The following COX10 variants were observed in gnomAD, a reference collection of about 807,000 sequenced individuals.
COX10 encodes protoheme IX farnesyltransferase, mitochondrial.
In COX10, 27 loss-of-function variants were observed where a neutral mutation model predicts 37.3. The ratio of observed to expected loss-of-function variants is 0.72; its 90% CI spans 0.53 to 1.00. The LOEUF is 1.00. Ranked by LOEUF, COX10 falls within the 50% of genes least tolerant of loss-of-function variation. COX10 has a pLI of 0.00. For missense variants in COX10, 475 were observed against 563.2 expected (o/e 0.84, Z 1.59); for synonymous variants, 222 against 229.1 (o/e 0.97, Z 0.28).
At chr17:14,143,480 G>A (rs1203329150) in intron 4 of COX10, among the ~76,000 whole-genome samples, 2 of 152,120 alleles carry the variant, frequency 1.3e-5, no homozygotes, top group Non-Finnish European at 2.9e-5. Context: ...AAGCTGAAAT[G>A]CACTATAATT....
intron 4 of COX10, among the ~76,000 whole-genome samples, chr17:14,112,621 G>C (rs1331304187): frequency 6.6e-6 from 1 of 152,124 alleles, no homozygotes; most frequent in African/African-American, 2.4e-5. Context: ...CAGTGCCTTA[G>C]GCAAGTAAAG....
chr17:14,096,755 A>G (rs1915663361), intron 3 of COX10, among the ~76,000 whole-genome samples: 1 of 152,174 alleles, frequency 6.6e-6, no homozygotes, highest in South Asian at 2.1e-4. Flanking sequence ...GCAGAGGCAG[A>G]TAAGAGAACA....
At chr17:14,148,848 T>A (rs1056120793) in intron 4 of COX10, among the ~76,000 whole-genome samples, 1 of 151,300 alleles carries the variant, frequency 6.6e-6, no homozygotes, top group Non-Finnish European at 1.5e-5. Flanking sequence ...GTTAGGAAGA[T>A]TAATAAGTGT....
intron 5 of COX10, among the ~76,000 whole-genome samples, chr17:14,183,480 G>C (rs1225009745): frequency 6.6e-6 from 1 of 152,148 alleles, no homozygotes; most frequent in Non-Finnish European, 1.5e-5. Flanking sequence ...ATCACTCACA[G>C]AGATATTAAT....
chr17:14,190,520 C>T (rs540299162), intron 5 of COX10, among the ~76,000 whole-genome samples: 113 of 152,300 alleles, frequency 7.4e-4, no homozygotes, highest in African/African-American at 2.5e-3. Flanking sequence ...CAGCAACATA[C>T]CCCTTATATT....
At chr17:14,107,950 G>T (rs1017566740) in intron 4 of COX10, among the ~76,000 whole-genome samples, 3 of 152,148 alleles carry the variant, frequency 2.0e-5, no homozygotes, top group Admixed American at 6.6e-5. Flanking sequence ...GTTCTGCTAT[G>T]TGGAAAAACT....
chr17:14,069,659 C>T lies in COX10; in HGVS notation c.43+11C>T. 4.3e-6 allele frequency: 7 copies of T among 1,614,094 alleles called. No homozygotes were observed. Among genetic ancestry groups the T allele is most frequent in the Non-Finnish European group, 5.9e-6 (7 of 1,180,002 alleles). ...CACGCCTCCTGACAGGTACTGTACC[C>T]GCCTTGGGCACGACCTTGGGGGAAA... On this transcript the variant is annotated intron_variant, in intron 1 of 6. Transcript: ENST00000261643.
chr17:14,206,260 C>A (rs1055193443), intron 6 of COX10, among the ~76,000 whole-genome samples: 3 of 152,144 alleles, frequency 2.0e-5, no homozygotes, highest in Non-Finnish European at 4.4e-5. Context: ...ACAGAACAGG[C>A]GGAGCGGACT....
chr17:14,135,132 A>C (rs771306282), intron 4 of COX10, among the ~76,000 whole-genome samples: 4 of 151,778 alleles, frequency 2.6e-5, no homozygotes, highest in Non-Finnish European at 5.9e-5. Context: ...AGAGCTGTTC[A>C]TATTTGAATA....
At chr17:14,187,023 C>G (rs1427019746) in intron 5 of COX10, among the ~76,000 whole-genome samples, 3 of 150,816 alleles carry the variant, frequency 2.0e-5, no homozygotes, top group Non-Finnish European at 4.4e-5. Context: ...GTTTTTTAAT[C>G]TATCCTATTG....
At chr17:14,159,702 T>C (rs541261227) in intron 4 of COX10, among the ~76,000 whole-genome samples, 175 bp from the exon 5 acceptor site, 1 of 152,150 alleles carries the variant, frequency 6.6e-6, no homozygotes, top group East Asian at 1.9e-4. Context: ...GTTGTTTTGG[T>C]TTTTTGTTTG....
At chr17:14,188,227 T>A (rs900750737) in intron 5 of COX10, among the ~76,000 whole-genome samples, 2 of 146,958 alleles carry the variant, frequency 1.4e-5, no homozygotes, top group African/African-American at 5.0e-5. Flanking sequence ...AAAAAAAATC[T>A]GTTCTTATAA....
chr17:14,070,359 A>G (rs1181361586), intron 1 of COX10, among the ~76,000 whole-genome samples: 3 of 152,172 alleles, frequency 2.0e-5, no homozygotes, highest in African/African-American at 7.2e-5. Flanking sequence ...AGCACAGTCT[A>G]TACTTGTTTA....
chr17:14,142,070 C>A (rs1190312102), intron 4 of COX10, among the ~76,000 whole-genome samples: 3 of 152,182 alleles, frequency 2.0e-5, no homozygotes, highest in Non-Finnish European at 4.4e-5. Flanking sequence ...TCAAGCCCAC[C>A]TGCACTGTTG....
intron 4 of COX10, among the ~76,000 whole-genome samples, chr17:14,121,573 C>T (rs115776065): frequency 0.012 from 1,852 of 152,232 alleles, 31 homozygotes; most frequent in African/African-American, 0.043. Context: ...TTTTCTGTTT[C>T]GATTTCTTCA....
intron 3 of COX10, among the ~76,000 whole-genome samples, chr17:14,086,409 A>C (rs1239981411): frequency 4.6e-5 from 7 of 152,090 alleles, no homozygotes; most frequent in Non-Finnish European, 1.5e-5. Flanking sequence ...TTCTATTCAC[A>C]AAGAGTTTGT....
At chr17:14,107,951 T>C (rs1449306523) in intron 4 of COX10, among the ~76,000 whole-genome samples, 1 of 152,192 alleles carries the variant, frequency 6.6e-6, no homozygotes, top group East Asian at 1.9e-4. Context: ...TTCTGCTATG[T>C]GGAAAAACTC....
At chr17:14,171,945 A>G (rs1403125892) in intron 5 of COX10, among the ~76,000 whole-genome samples, 1 of 152,110 alleles carries the variant, frequency 6.6e-6, no homozygotes, top group East Asian at 1.9e-4. Context: ...TATCTCCTTC[A>G]TCTGATTACT....
At chr17:14,181,959 A>G in intron 5 of COX10, 1 of 983,806 alleles carries the variant, frequency 1.0e-6, no homozygotes, top group South Asian at 4.7e-5. Context: ...AGAAGGCTGA[A>G]TCTCAGTGGT....
Sources: allele counts gnomAD v4.1 joint callset (sites outside exome capture counted in the v4.1 genomes callset), GRCh38; gene constraint gnomAD v4.1.1; transcripts MANE v1.5; gene names NCBI Gene and HGNC (gene_info 2026-07-23, HGNC 2026-07-21).